ENTPD1: variants seen among roughly 807,000 people sequenced by gnomAD.
ENTPD1 encodes ATP diphosphohydrolase.
A neutral mutation model predicts 57.0 loss-of-function variants in ENTPD1; 33 were observed. The observed-to-expected ratio is 0.58, with a 90% CI of 0.44 to 0.77. The LOEUF is 0.77. ENTPD1 is among the 30% of genes least tolerant of loss of function. The probability of loss-of-function intolerance (pLI) is 0.00; values close to 1 mark genes in which losing one functional copy is unlikely to be tolerated. For synonymous variants in ENTPD1, 202 were observed against 218.8 expected (o/e 0.92, Z 0.68); for missense variants, 501 against 603.4 (o/e 0.83, Z 1.78).
At chr10:95,742,284 A>G (rs10748642) in intron 1 of ENTPD1, among the ~76,000 whole-genome samples, 81,443 of 151,920 alleles carry the variant, frequency 0.54, 22,246 homozygotes, top group Admixed American at 0.63. Context: ...GCTTTTCTGC[A>G]TCTCAGAGCT....
At chr10:95,850,116 G>A (rs1018518764) in intron 7 of ENTPD1, among the ~76,000 whole-genome samples, 9 of 152,174 alleles carry the variant, frequency 5.9e-5, no homozygotes, top group African/African-American at 2.2e-4. Flanking sequence ...GGCTGGAAAA[G>A]GGTGGAGGAG....
intron 1 of ENTPD1, among the ~76,000 whole-genome samples, chr10:95,757,135 G>T (rs1485640130): frequency 1.3e-5 from 2 of 152,162 alleles, no homozygotes; most frequent in Non-Finnish European, 2.9e-5. Flanking sequence ...ATTCCCACAT[G>T]CTTATACCGT....
intron 1 of ENTPD1, among the ~76,000 whole-genome samples, chr10:95,778,149 C>T (rs569682308): frequency 5.3e-5 from 8 of 152,314 alleles, no homozygotes; most frequent in Non-Finnish European, 1.0e-4. Context: ...CCATGGGCTG[C>T]ACCCACTGTC....
intron 7 of ENTPD1, 32 bp downstream of exon 7, chr10:95,847,738 TC>T: frequency 6.2e-7 from 1 of 1,613,942 alleles, no homozygotes; most frequent in Non-Finnish European, 8.5e-7. Context: ...GTATAGGATG[TC>T]TTGTTTACAA....
At chr10:95,765,907 T>C (rs986576602) in intron 1 of ENTPD1, among the ~76,000 whole-genome samples, 2 of 152,188 alleles carry the variant, frequency 1.3e-5, no homozygotes, top group African/African-American at 4.8e-5. Context: ...ATTTCTTTTG[T>C]TAAATTTGTT....
At chr10:95,794,395 T>A (rs1310600697) in intron 1 of ENTPD1, among the ~76,000 whole-genome samples, 1 of 152,112 alleles carries the variant, frequency 6.6e-6, no homozygotes, top group Admixed American at 6.6e-5. Flanking sequence ...GGGGATGAAG[T>A]CATGGATAAG....
At chr10:95,850,509 G>A (rs779125476) in intron 7 of ENTPD1, among the ~76,000 whole-genome samples, 11 of 152,052 alleles carry the variant, frequency 7.2e-5, no homozygotes, top group Non-Finnish European at 1.2e-4. Flanking sequence ...ACCAACTCTC[G>A]GGGAATGGGG....
chr10:95,802,568 A>G (rs1401355296), intron 1 of ENTPD1, among the ~76,000 whole-genome samples: 2 of 152,090 alleles, frequency 1.3e-5, no homozygotes, highest in Non-Finnish European at 2.9e-5. Flanking sequence ...TCAACTCATC[A>G]TTCACATTAG....
chr10:95,714,447 T>G (rs1285331850), intron 1 of ENTPD1, among the ~76,000 whole-genome samples: 1 of 152,268 alleles, frequency 6.6e-6, no homozygotes, highest in East Asian at 1.9e-4. Flanking sequence ...AGTTTTGGAT[T>G]GTAACTAACC....
At chr10:95,737,000 T>C (rs1278854070) in intron 1 of ENTPD1, among the ~76,000 whole-genome samples, 1 of 152,212 alleles carries the variant, frequency 6.6e-6, no homozygotes, top group Non-Finnish European at 1.5e-5. Flanking sequence ...AAAGAGAGCC[T>C]CCACTTGAGT....
chr10:95,758,080 A>G (rs1022591045), intron 1 of ENTPD1, among the ~76,000 whole-genome samples: 5 of 150,060 alleles, frequency 3.3e-5, no homozygotes, highest in African/African-American at 7.4e-5. Context: ...CTTCCAACCT[A>G]CAGAGCAGAC....
At chr10:95,843,056 G>C (rs1439388436) in intron 4 of ENTPD1, 2 of 152,190 alleles carry the variant, frequency 1.3e-5, no homozygotes, top group Non-Finnish European at 2.9e-5. Flanking sequence ...GAGCACATTT[G>C]GCCCTGCCCA....
intron 1 of ENTPD1, among the ~76,000 whole-genome samples, chr10:95,778,296 G>A (rs1182919411): frequency 6.6e-6 from 1 of 152,160 alleles, no homozygotes; most frequent in Non-Finnish European, 1.5e-5. Context: ...TGTTTCTAAT[G>A]ACAGACAGGG....
At chr10:95,766,942 T>C (rs2098090875) in intron 1 of ENTPD1, among the ~76,000 whole-genome samples, 2 of 151,646 alleles carry the variant, frequency 1.3e-5, no homozygotes, top group Admixed American at 1.3e-4. Context: ...TGCAGTAGCA[T>C]AATCATAGCT....
In ENTPD1 at chr10:95,821,604, T is replaced by A. The variant is rs553690179; in HGVS notation, c.17-1633T>A. ...CATCTGAACAAAATGGAGTTTCTTT[T>A]GGGAAGGGAGAAGCAGGGAAGTGCT... On this transcript the variant is annotated intron_variant, in intron 1 of 9. Transcript: ENST00000371205. 2.0e-5 allele frequency among the ~76,000 whole-genome samples: 3 copies of A among 152,306 alleles called. No individual in the cohort carries two copies. The East Asian group carries it at 5.8e-4, about 29-fold the overall frequency.
intron 7 of ENTPD1, among the ~76,000 whole-genome samples, chr10:95,858,474 T>C (rs1030430154): frequency 3.6e-4 from 54 of 152,108 alleles, no homozygotes; most frequent in Non-Finnish European, 5.0e-4. Flanking sequence ...TCAGATTTGT[T>C]TTTAAAAGAT....
chr10:95,821,996 CTTTTTTTTTTT>C (rs71034351), intron 1 of ENTPD1, among the ~76,000 whole-genome samples: 4 of 92,916 alleles, frequency 4.3e-5, no homozygotes, highest in African/African-American at 1.7e-4. Context: ...TAGCTTTTGC[CTTTTTTTTTTT>C]TTTTTTTTTT....
At chr10:95,807,895 T>C (rs997220365) in intron 1 of ENTPD1, among the ~76,000 whole-genome samples, 14 of 152,194 alleles carry the variant, frequency 9.2e-5, no homozygotes, top group African/African-American at 3.4e-4. Flanking sequence ...CTCTTCCTAT[T>C]TGGATGCCCT....
intron 1 of ENTPD1, among the ~76,000 whole-genome samples, chr10:95,763,190 G>T (rs1193528958): frequency 1.3e-5 from 2 of 152,038 alleles, no homozygotes; most frequent in African/African-American, 2.4e-5. Flanking sequence ...CTCCCAAAAT[G>T]CTGGGATTAC....
Sources: allele counts gnomAD v4.1 joint callset (sites outside exome capture counted in the v4.1 genomes callset), GRCh38; gene constraint gnomAD v4.1.1; transcripts MANE v1.5; gene names NCBI Gene and HGNC (gene_info 2026-07-23, HGNC 2026-07-21).